IMPG2: variants seen among roughly 807,000 people sequenced by gnomAD.
The protein encoded by IMPG2 is IPM 200.
Under a neutral mutation model 129.2 loss-of-function variants are expected in IMPG2, and 91 were observed. That is an observed-to-expected ratio of 0.70 (90% confidence interval 0.59 to 0.84). The LOEUF (loss-of-function observed/expected upper bound fraction) is 0.84, where lower values mean the gene tolerates loss of function less well. Among genes scored for constraint, IMPG2 ranks in the 40% least tolerant of loss-of-function variants. The probability of loss-of-function intolerance (pLI) is 0.00; values close to 1 mark genes in which losing one functional copy is unlikely to be tolerated. For synonymous variants in IMPG2, 510 were observed against 517.7 expected (o/e 0.99, Z 0.20); for missense variants, 1,430 against 1,461.7 (o/e 0.98, Z 0.35).
At chr3:101,277,650 G>A (rs534644201) in intron 4 of IMPG2, among the ~76,000 whole-genome samples, 1 of 152,254 alleles carries the variant, frequency 6.6e-6, no homozygotes, top group East Asian at 1.9e-4. Flanking sequence ...ACAGGCATCA[G>A]GTCTCCTGGC....
intron 7 of IMPG2, among the ~76,000 whole-genome samples, chr3:101,272,927 T>G (rs3773919): frequency 6.6e-6 from 1 of 152,218 alleles, no homozygotes; most frequent in African/African-American, 2.4e-5. Flanking sequence ...TTCAATGTCT[T>G]ACTGCACAAA....
intron 18 of IMPG2, among the ~76,000 whole-genome samples, 172 bp from the exon 19 acceptor site, chr3:101,227,153 C>T (rs1035884435): frequency 2.0e-5 from 3 of 152,156 alleles, no homozygotes; most frequent in Non-Finnish European, 4.4e-5. Flanking sequence ...TTTTAATCCA[C>T]TCTACAAAGA....
At chr3:101,283,585 T>C (rs1576762880) in intron 4 of IMPG2, among the ~76,000 whole-genome samples, 2 of 152,328 alleles carry the variant, frequency 1.3e-5, no homozygotes, top group South Asian at 2.1e-4. Context: ...ATACAGTAGA[T>C]GGCCAGAAGC....
chr3:101,272,092 TACACACGCACACAC>T (rs1706789349), intron 7 of IMPG2, among the ~76,000 whole-genome samples: 2 of 88,416 alleles, frequency 2.3e-5, no homozygotes. Flanking sequence ...CTTATCCTTT[TACACACGCACACAC>T]ACACACACAC....
At chr3:101,280,872 G>A (rs11720205) in intron 4 of IMPG2, among the ~76,000 whole-genome samples, 17,023 of 151,788 alleles carry the variant, frequency 0.11, 1,098 homozygotes, top group South Asian at 0.18. Flanking sequence ...TCGCTTGAAC[G>A]TCAGAGGTGG....
intron 10 of IMPG2, among the ~76,000 whole-genome samples, chr3:101,254,666 T>C (rs532238902): frequency 3.3e-5 from 5 of 152,218 alleles, no homozygotes; most frequent in African/African-American, 1.2e-4. Context: ...CCAAAACTTT[T>C]AAAAACTATG....
intron 15 of IMPG2, among the ~76,000 whole-genome samples, chr3:101,231,983 C>T (rs1304555300): frequency 6.6e-6 from 1 of 152,110 alleles, no homozygotes; most frequent in East Asian, 1.9e-4. Context: ...ACTTTAAATA[C>T]TTTAAAGTTT....
At chr3:101,297,096 G>A (rs775401793) in intron 3 of IMPG2, among the ~76,000 whole-genome samples, 2 of 152,028 alleles carry the variant, frequency 1.3e-5, no homozygotes, top group Non-Finnish European at 2.9e-5. Context: ...TTTTAGTAGA[G>A]ACAGGGTTTC....
chr3:101,241,809 C>T (rs770970218), intron 14 of IMPG2, among the ~76,000 whole-genome samples: 3 of 151,944 alleles, frequency 2.0e-5, no homozygotes, highest in Non-Finnish European at 4.4e-5. Context: ...AGGTGGATCA[C>T]CTGAGGTCAG....
At chr3:101,236,041 C>T (rs756977433) in intron 14 of IMPG2, among the ~76,000 whole-genome samples, 1 of 152,192 alleles carries the variant, frequency 6.6e-6, no homozygotes, top group South Asian at 2.1e-4. Flanking sequence ...TTCTCCATTA[C>T]CTTCATTCCA....
intron 7 of IMPG2, 106 bp downstream of exon 7, chr3:101,273,475 T>C (rs1015599523): frequency 7.8e-5 from 94 of 1,210,574 alleles, no homozygotes; most frequent in African/African-American, 1.8e-4. Flanking sequence ...AGGAACCAAG[T>C]AGACAAACAA....
intron 2 of IMPG2, among the ~76,000 whole-genome samples, chr3:101,308,827 T>C (rs1707232251): frequency 6.6e-6 from 1 of 152,240 alleles, no homozygotes; most frequent in African/African-American, 2.4e-5. Flanking sequence ...GCTTCCCTTT[T>C]AAACATAACT....
chr3:101,290,231 A>C (rs1706990907), intron 4 of IMPG2, among the ~76,000 whole-genome samples: 1 of 152,138 alleles, frequency 6.6e-6, no homozygotes, highest in Non-Finnish European at 1.5e-5. Flanking sequence ...GGCCAGGCAT[A>C]GTGGCTCACA....
chr3:101,319,533 A>C, intron 2 of IMPG2, 51 bp downstream of exon 2: 1 of 1,605,864 alleles, frequency 6.2e-7, no homozygotes. Context: ...CAAATGATTA[A>C]ACTATGTTTG....
Position 101,222,681 on chromosome 3 carries a change from T to C in IMPG2, c.*4288A>G, listed in dbSNP as rs1375396313. 6.6e-6 allele frequency: 1 copy of C among 152,202 alleles called. No individual in the cohort carries two copies. The highest frequency in any genetic ancestry group is 2.4e-5 in the African/African-American group (1 of 41,458). 9.4% of individuals were successfully genotyped at this position (152,202 alleles called of 1,614,324 possible). ...ATAAGACTAGAACATTTCAATAAAATAGTACAGTTAACATGAATTTATTTG... is the reference window on the plus strand; with the variant it reads ...ATAAGACTAGAACATTTCAATAAAACAGTACAGTTAACATGAATTTATTTG... On this transcript the variant is annotated 3_prime_UTR_variant, in exon 19 of 19. Transcript: ENST00000193391.
chr3:101,285,607 A>C (rs1298755910), intron 4 of IMPG2, among the ~76,000 whole-genome samples: 1 of 152,166 alleles, frequency 6.6e-6, no homozygotes, highest in East Asian at 1.9e-4. Flanking sequence ...GTACGTATTC[A>C]ATATGCTGAC....
intron 2 of IMPG2, among the ~76,000 whole-genome samples, chr3:101,305,048 G>T (rs1334836803): frequency 2.6e-5 from 4 of 152,040 alleles, no homozygotes; most frequent in African/African-American, 4.8e-5. Flanking sequence ...CTGCATACGG[G>T]TATTTAAAGT....
chr3:101,276,804 A>C, intron 4 of IMPG2, 91 bp from the exon 5 acceptor site: 2 of 927,248 alleles, frequency 2.2e-6, no homozygotes, highest in South Asian at 2.9e-5. Context: ...AAAGGAAAGC[A>C]CTAGATCACC....
At position 101,246,053 on chromosome 3, in the gene IMPG2, C is replaced by T. The variant is rs1559643728; in HGVS notation, c.1292G>A (p.Ser431Asn). 2 of 1,614,080 alleles carry T rather than the reference C, an allele frequency of 1.2e-6. No homozygotes were observed. Among genetic ancestry groups the T allele is most frequent in the Non-Finnish European group, 8.5e-7 (1 of 1,180,012 alleles). Residue 431 changes from serine (S) to asparagine (N), a missense_variant, in exon 12 of 19, where the codon AGT (serine) becomes AAT (asparagine). Ser to Asn is a conservative substitution (Grantham distance 46). Coordinates refer to ENST00000193391, the MANE Select transcript of IMPG2 (RefSeq NM_016247.4). Reference sequence around the variant, plus strand: ...AGAGCTGAAATCAAGTGGTGGAATACTGCTGGTGATGGATTCATCTGCTGA... The same window carrying T: ...AGAGCTGAAATCAAGTGGTGGAATATTGCTGGTGATGGATTCATCTGCTGA... ...WPSADESITS[S>N]IPPLDFSSGP...
Sources: allele counts gnomAD v4.1 joint callset (sites outside exome capture counted in the v4.1 genomes callset), GRCh38; gene constraint gnomAD v4.1.1; transcripts MANE v1.5; gene names NCBI Gene and HGNC (gene_info 2026-07-23, HGNC 2026-07-21).